Variants in DOCK4 observed in about 807,000 individuals in gnomAD.
DOCK4 encodes the protein dedicator of cytokinesis protein 4.
In DOCK4, 97 loss-of-function variants were observed where a neutral mutation model predicts 268.1. The observed-to-expected ratio is 0.36, with a 90% CI of 0.31 to 0.43. DOCK4 has a LOEUF of 0.43. DOCK4 is among the 20% of genes least tolerant of loss of function. The pLI, the probability that DOCK4 is intolerant of heterozygous loss-of-function variation, is 1.00. For synonymous variants in DOCK4, 954 were observed against 887.2 expected (o/e 1.08, Z -1.34); for missense variants, 2,145 against 2,455.7 (o/e 0.87, Z 2.67).
At chr7:112,150,221 C>CA (rs767660075) in intron 1 of DOCK4, among the ~76,000 whole-genome samples, 3 of 152,074 alleles carry the variant, frequency 2.0e-5, no homozygotes, top group Non-Finnish European at 4.4e-5. Flanking sequence ...CCTTTCTAAT[C>CA]AAAAATCCCC....
chr7:111,771,883 C>G (rs1466861841), intron 36 of DOCK4, among the ~76,000 whole-genome samples: 3 of 152,286 alleles, frequency 2.0e-5, no homozygotes, highest in African/African-American at 7.2e-5. Flanking sequence ...AATGACCCAG[C>G]TCAGGAGTTA....
chr7:112,104,486 T>C (rs923967004), intron 1 of DOCK4, among the ~76,000 whole-genome samples: 1 of 152,184 alleles, frequency 6.6e-6, no homozygotes, highest in African/African-American at 2.4e-5. Flanking sequence ...GGCCATGGCT[T>C]ATGAAACTTG....
chr7:111,854,218 C>T (rs1372704129), intron 23 of DOCK4, among the ~76,000 whole-genome samples: 1 of 152,212 alleles, frequency 6.6e-6, no homozygotes, highest in East Asian at 1.9e-4. Flanking sequence ...GGCAGACAGC[C>T]TGGTGCCACA....
intron 27 of DOCK4, among the ~76,000 whole-genome samples, chr7:111,813,259 G>A (rs1232444756): frequency 6.6e-6 from 1 of 151,912 alleles, no homozygotes; most frequent in African/African-American, 2.4e-5. Context: ...TGTCACCCTA[G>A]GTAAAATGAA....
At chr7:111,958,721 TAAC>T (rs1796629868) in intron 8 of DOCK4, among the ~76,000 whole-genome samples, 1 of 152,162 alleles carries the variant, frequency 6.6e-6, no homozygotes, top group Admixed American at 6.6e-5. Flanking sequence ...ATTATTATAA[TAAC>T]ACATTATAAT....
chr7:111,873,915 G>C (rs1380407370), intron 17 of DOCK4, among the ~76,000 whole-genome samples: 4 of 152,174 alleles, frequency 2.6e-5, no homozygotes, highest in Admixed American at 2.6e-4. Flanking sequence ...GATTTATGAT[G>C]TTTTCATAAC....
At chr7:112,196,179 A>C (rs915600783) in intron 1 of DOCK4, among the ~76,000 whole-genome samples, 7 of 152,158 alleles carry the variant, frequency 4.6e-5, no homozygotes, top group African/African-American at 1.7e-4. Flanking sequence ...AGCTAAAAAT[A>C]AAGGTATGGG....
At chr7:112,102,505 T>TG (rs916901478) in intron 1 of DOCK4, among the ~76,000 whole-genome samples, 6 of 152,132 alleles carry the variant, frequency 3.9e-5, no homozygotes, top group African/African-American at 1.2e-4. Flanking sequence ...TATTATGAGG[T>TG]GGGGCCTTTG....
intron 41 of DOCK4, among the ~76,000 whole-genome samples, chr7:111,757,925 G>C (rs1475708369): frequency 6.6e-6 from 1 of 152,088 alleles, no homozygotes; most frequent in Admixed American, 6.6e-5. Context: ...TGCAAAGAAA[G>C]GGGCAGACTC....
At chr7:111,927,038 G>C (rs1793772618) in intron 12 of DOCK4, among the ~76,000 whole-genome samples, 1 of 152,166 alleles carries the variant, frequency 6.6e-6, no homozygotes, top group Non-Finnish European at 1.5e-5. Context: ...ATTGCTGATT[G>C]CTTCTTTAAA....
chr7:111,739,693 T>TA (rs1271182560), intron 47 of DOCK4: 3 of 555,802 alleles, frequency 5.4e-6, no homozygotes, highest in Non-Finnish European at 9.6e-6. Flanking sequence ...GCCTTCGTGT[T>TA]AGATTCAGCT....
At chr7:111,870,323 C>CTTTTTTT (rs796444724) in intron 20 of DOCK4, among the ~76,000 whole-genome samples, 6 of 131,358 alleles carry the variant, frequency 4.6e-5, no homozygotes, top group South Asian at 2.4e-4. Context: ...TTTTTCTTTT[C>CTTTTTTT]TTTTTTTTTT....
chr7:111,976,161 A>AAAAAATATATAT (rs1554400643), intron 8 of DOCK4, among the ~76,000 whole-genome samples: 1 of 34,014 alleles, frequency 2.9e-5, no homozygotes, highest in African/African-American at 1.5e-4. Context: ...AAAAAAAAAA[A>AAAAAATATATAT]ATATATATAT....
intron 1 of DOCK4, among the ~76,000 whole-genome samples, chr7:112,093,609 C>T (rs533577610): frequency 2.0e-4 from 31 of 152,150 alleles, no homozygotes; most frequent in African/African-American, 6.7e-4. Context: ...AAGTATTGTT[C>T]CTTTTAAATG....
intron 16 of DOCK4, among the ~76,000 whole-genome samples, chr7:111,890,588 GA>G (rs1305950691): frequency 5.3e-5 from 8 of 152,156 alleles, no homozygotes; most frequent in African/African-American, 1.7e-4. Flanking sequence ...TCAATCAAGT[GA>G]TGTTGAAAAT....
intron 1 of DOCK4, among the ~76,000 whole-genome samples, chr7:112,027,610 C>T (rs984364317): frequency 2.0e-5 from 3 of 152,182 alleles, no homozygotes; most frequent in Non-Finnish European, 4.4e-5. Context: ...CATATCAGCT[C>T]ATTTGGCTTT....
Position 112,111,328 on chromosome 7 carries a change from G to T in DOCK4, c.37+94774C>A, listed in dbSNP as rs118113830. 1.1e-3 allele frequency among the ~76,000 whole-genome samples: 167 copies of T among 152,218 alleles called. 2 individuals carry two copies. Among genetic ancestry groups the T allele is most frequent in the Admixed American group, 3.0e-3 (46 of 15,302 alleles). On this transcript the variant is annotated intron_variant, in intron 1 of 52. Transcript: ENST00000428084. The stretch of plus-strand genomic sequence containing the variant: ...TGACCCACCTTGTGTGTGGAGGGAG[G>T]GGGTAGGGAAGGCCTCAGTTCTCAT...
chr7:111,791,099 T>TATATATATATATATATATATAA (rs1289561664), intron 30 of DOCK4, among the ~76,000 whole-genome samples: 1 of 137,468 alleles, frequency 7.3e-6, no homozygotes, highest in African/African-American at 2.8e-5. Flanking sequence ...TATATATATA[T>TATATATATATATATATATATAA]AAAATAAATC....
intron 1 of DOCK4, among the ~76,000 whole-genome samples, chr7:112,075,940 C>T (rs1006003037): frequency 2.0e-5 from 3 of 152,142 alleles, no homozygotes; most frequent in African/African-American, 7.2e-5. Flanking sequence ...CATGTCCTTA[C>T]ACTATCTGAT....
Sources: allele counts gnomAD v4.1 joint callset (sites outside exome capture counted in the v4.1 genomes callset), GRCh38; gene constraint gnomAD v4.1.1; transcripts MANE v1.5; gene names NCBI Gene and HGNC (gene_info 2026-07-23, HGNC 2026-07-21).